The following CLDN2 variants were observed in gnomAD, a reference collection of about 807,000 sequenced individuals.
CLDN2 encodes claudin-2.
A neutral mutation model predicts 8.2 loss-of-function variants in CLDN2; 1 was observed. That is an observed-to-expected ratio of 0.12 (90% CI 0.04 to 0.58). The LOEUF (loss-of-function observed/expected upper bound fraction) is 0.58. Among genes scored for constraint, CLDN2 ranks in the 20% least tolerant of loss-of-function variants. The probability of loss-of-function intolerance (pLI) is 0.90; values close to 1 mark genes in which losing one functional copy is unlikely to be tolerated. For synonymous variants in CLDN2, 70 were observed against 70.2 expected (o/e 1.00, Z 0.01); for missense variants, 108 against 172.9 (o/e 0.62, Z 2.11).
rs989830802 is a variant in CLDN2 at position 106,900,634 on chromosome X, TCTGGCTGC to T, written c.-179+133_-179+140del. ...CAGACAAACTGAACCCCAATCAGAC[TCTGGCTGC>T]CTCCATTTGGATAGGTTAGGGGTGA... On this transcript the variant is annotated intron_variant, in intron 1 of 1. Transcript: ENST00000541806. 6.6e-6 allele frequency: 7 copies of T among 1,067,448 alleles called. No individual in the cohort carries two copies. In the African/African-American group the frequency reaches 1.3e-4, roughly 20 times the overall value. 88.0% of individuals were successfully genotyped at this position (1,067,448 alleles called of 1,213,427 possible). A position where few individuals can be genotyped will look rare whatever the true frequency, so the allele number is the denominator to read the frequency against.
At chrX:106,917,407 T>C (rs916256860), upstream of CLDN2, among the ~76,000 whole-genome samples, 3 of 112,152 alleles carry the variant, frequency 2.7e-5, no homozygotes, top group African/African-American at 6.5e-5. Flanking sequence ...GAATGTTGCA[T>C]AGAGGTCATG....
intron 1 of CLDN2, among the ~76,000 whole-genome samples, chrX:106,910,820 C>G (rs1047761189): frequency 3.6e-5 from 4 of 111,789 alleles, no homozygotes; most frequent in Non-Finnish European, 7.5e-5. Context: ...GCCACTCTAA[C>G]TCAGGCCCTT....
intron 1 of CLDN2, chrX:106,900,573 A>T: frequency 1.1e-6 from 1 of 871,543 alleles, no homozygotes; most frequent in Non-Finnish European, 1.5e-6. Flanking sequence ...CTGCTGGACT[A>T]ATACTTCCGG....
At chrX:106,914,904 A>T (rs184089266), upstream of CLDN2, among the ~76,000 whole-genome samples, 945 of 111,223 alleles carry the variant, frequency 8.5e-3, 6 homozygotes, top group Non-Finnish European at 0.012. Flanking sequence ...TATAAAATTC[A>T]CTCTTTTGGG....
chrX:106,922,858 A>G (rs1249470071), intron 1 of CLDN2, among the ~76,000 whole-genome samples: 6 of 111,292 alleles, frequency 5.4e-5, no homozygotes, highest in Admixed American at 9.5e-5. Flanking sequence ...GTTGGAGGTT[A>G]ATGGTGTGAG....
At chrX:106,912,563 G>A (rs1017589630) in intron 1 of CLDN2, among the ~76,000 whole-genome samples, 9 of 109,311 alleles carry the variant, frequency 8.2e-5, no homozygotes, top group Admixed American at 6.8e-4. Context: ...ATAGGCTTGC[G>A]CCACCATGCC....
chrX:106,925,147 G>A (rs1362078276), intron 1 of CLDN2, among the ~76,000 whole-genome samples: 2 of 111,653 alleles, frequency 1.8e-5, no homozygotes, highest in Non-Finnish European at 3.8e-5. Context: ...ATACAATAGG[G>A]ATTATTAGTG....
chrX:106,905,400 G>A (rs1933166056), intron 1 of CLDN2, among the ~76,000 whole-genome samples: 2 of 112,398 alleles, frequency 1.8e-5, no homozygotes, highest in Admixed American at 9.4e-5. Flanking sequence ...GTGCAAGATA[G>A]ATCCCAGGTC....
chrX:106,912,843 C>T (rs1270987418), intron 1 of CLDN2, among the ~76,000 whole-genome samples: 1 of 111,677 alleles, frequency 9.0e-6, no homozygotes, highest in African/African-American at 3.3e-5. Context: ...ATAAAAGTTA[C>T]GCTTTCAAGT....
Position 106,910,195 on chromosome X carries a change from T to G in CLDN2, c.-179+9691T>G, listed in dbSNP as rs769973587. Reference sequence around the variant, plus strand: ...CCTTTTAGTCTTGGTGTCCTGATGATCCTGGCTAAGTAAGCAAACGATACT... The same window carrying G: ...CCTTTTAGTCTTGGTGTCCTGATGAGCCTGGCTAAGTAAGCAAACGATACT... On this transcript the variant is annotated intron_variant, in intron 1 of 1. Coordinates refer to the CLDN2 transcript ENST00000541806. Among the ~76,000 whole-genome samples, 4 of 111,170 alleles carry G rather than the reference T, an allele frequency of 3.6e-5. No individual in the cohort carries two copies. The South Asian group carries it at 1.6e-3, about 43-fold the overall frequency.
At chrX:106,914,038 C>T (rs1408744260), upstream of CLDN2, among the ~76,000 whole-genome samples, 1 of 105,635 alleles carries the variant, frequency 9.5e-6, no homozygotes, top group African/African-American at 3.5e-5. Flanking sequence ...CTGCAACCTC[C>T]ACCTCCCGGG....
chrX:106,928,290 C>T lies in CLDN2; in HGVS notation c.62C>T (p.Thr21Ile), dbSNP rs375239457. 8.3e-7 allele frequency: 1 copy of T among 1,210,511 alleles called. No individual in the cohort carries two copies. Among genetic ancestry groups the T allele is most frequent in the Non-Finnish European group, 1.1e-6 (1 of 895,232 alleles). The change falls in exon 2 of 2, where the codon ACA becomes ATA. Residue 21 changes from threonine to isoleucine, a missense_variant. Thr to Ile is a moderately conservative substitution (Grantham distance 89, BLOSUM62 -1). This residue lies in a region of CLDN2 where 27 missense variants were observed against 72.2 expected (regional missense o/e 0.37). Coordinates refer to ENST00000336803, the MANE Select transcript of CLDN2 (RefSeq NM_020384.4). ...CTAGGCCTTCTGGGGCTTTTGGGCA[C>T]ACTGGTTGCCATGCTGCTCCCCAGC... ...YILGLLGLLG[T>I]LVAMLLPSWK...
At chrX:106,917,378 C>G (rs1933324810), upstream of CLDN2, among the ~76,000 whole-genome samples, 2 of 111,961 alleles carry the variant, frequency 1.8e-5, no homozygotes, top group South Asian at 3.8e-4. Context: ...TCAAGGAAGA[C>G]AAGGTTATCA....
chrX:106,928,096 A>G lies in CLDN2; in HGVS notation c.-133A>G, dbSNP rs113920114. On this transcript the variant is annotated 5_prime_UTR_variant, in exon 2 of 2. Coordinates refer to ENST00000336803, the MANE Select transcript of CLDN2 (RefSeq NM_020384.4). ...AGGCTGCTTGTGGCCACCCACAGAC[A>G]CTTGTAAGGAGGAGAGAAGTCAGCC... is the stretch of plus-strand genomic sequence containing the variant. The G allele has an allele frequency of 1.7e-5, 8 of 473,496 alleles. No individual in the cohort carries two copies. The highest frequency in any genetic ancestry group is 9.7e-5 in the African/African-American group (4 of 41,227). The allele number at this position is 473,496 out of a possible 1,213,427, so 39.0% of individuals were successfully genotyped here.
chrX:106,928,484 A>G lies in CLDN2; in HGVS notation c.256A>G (p.Thr86Ala), dbSNP rs1299571339. ...DIQAAQAMMV[T>A]SSAISSLACI... ...CCAGGCTGCCCAGGCCATGATGGTG[A>G]CATCCAGTGCAATCTCCTCCCTGGC... Residue 86 changes from threonine to alanine, a missense_variant, in exon 2 of 2, where the codon ACA becomes GCA. By Grantham distance (58) the Thr-to-Ala change is moderately conservative. Around this residue, in one of 2 missense-constraint regions of CLDN2, gnomAD observed 27 missense variants for 72.2 expected, o/e 0.37. Coordinates refer to ENST00000336803, the MANE Select transcript of CLDN2 (RefSeq NM_020384.4). 1 of 1,209,921 alleles carries G rather than the reference A, an allele frequency of 8.3e-7. No homozygotes were observed. Among genetic ancestry groups the G allele is most frequent in the African/African-American group, 1.8e-5 (1 of 57,139 alleles).
At chrX:106,920,701 G>A (rs1435483242) in intron 1 of CLDN2, 150 bp downstream of exon 1, 5 of 111,964 alleles carry the variant, frequency 4.5e-5, no homozygotes, top group Non-Finnish European at 7.5e-5. Context: ...GGGAAACTCC[G>A]GTGGCATTTG....
At chrX:106,900,843 T>G in intron 1 of CLDN2, 1 of 1,211,687 alleles carries the variant, frequency 8.3e-7, no homozygotes, top group South Asian at 1.8e-5. Flanking sequence ...GACAGGAAAG[T>G]TCTGCAGTAA....
At position 106,929,154 on chromosome X, in the gene CLDN2, T is replaced by G. The variant is rs989380513; in HGVS notation, c.*233T>G. The stretch of plus-strand genomic sequence containing the variant: ...GCCAGCCTTTCTGTTTTCCTCACCT[T>G]GCTGCTCCCCTGCCCTAAGTCCCCA... On this transcript the variant is annotated 3_prime_UTR_variant, in exon 2 of 2. Coordinates refer to ENST00000336803, the MANE Select transcript of CLDN2 (RefSeq NM_020384.4). 9.4e-6 allele frequency: 4 copies of G among 424,587 alleles called. No homozygotes were observed. The African/African-American group carries it at 1.0e-4, about 11-fold the overall frequency. The allele number at this position is 424,587 out of a possible 1,213,427, so 35.0% of individuals were successfully genotyped here.
chrX:106,901,034 GAAGA>G, intron 1 of CLDN2: 3 of 1,049,467 alleles, frequency 2.9e-6, no homozygotes, highest in Non-Finnish European at 3.7e-6. Context: ...AGAGGGAAAG[GAAGA>G]AAGAAAGTTT....
Sources: gnomAD v4.1 joint callset for allele counts (sites outside exome capture counted in the v4.1 genomes callset) on GRCh38, gnomAD v4.1.1 for gene constraint, gnomAD v4.1.1 regional missense constraint, MANE v1.5 for transcripts, NCBI Gene and HGNC (gene_info 2026-07-23, HGNC 2026-07-21) for gene names.